The following INO80 variants were observed in gnomAD, a reference collection of about 807,000 sequenced individuals.
The protein encoded by INO80 is INO80 complex ATPase subunit.
In INO80, 20 loss-of-function variants were observed where a neutral mutation model predicts 203.4. The ratio of observed to expected loss-of-function variants is 0.10; its 90% CI spans 0.07 to 0.14. The LOEUF is 0.14. Ranked by LOEUF, INO80 falls within the 10% of genes least tolerant of loss-of-function variation. The probability of loss-of-function intolerance (pLI) is 1.00; values close to 1 mark genes in which losing one functional copy is unlikely to be tolerated. For missense variants in INO80, 1,419 were observed against 1,914.4 expected (o/e 0.74, Z 4.83); for synonymous variants, 726 against 685.2 (o/e 1.06, Z -0.93).
Position 41,085,431 on chromosome 15 carries a change from C to T in INO80, c.811G>A (p.Glu271Lys). 1 of 1,614,170 alleles carries T rather than the reference C, an allele frequency of 6.2e-7. No homozygotes were observed. The highest frequency in any genetic ancestry group is 8.5e-7 in the Non-Finnish European group (1 of 1,180,048). ...TTCCTGCGACGAGCATTCAGCTGCTCAATGGATAAGTGCTTTTTCTTAGTG... is the reference window on the plus strand; with the variant it reads ...TTCCTGCGACGAGCATTCAGCTGCTTAATGGATAAGTGCTTTTTCTTAGTG... ...PGTKKKHLSI[E>K]QLNARRRKVW... The change falls in exon 7 of 36, where the codon GAG becomes AAG. Residue 271 changes from glutamate (E) to lysine (K), a missense_variant. By Grantham distance (56) the Glu-to-Lys change is moderately conservative. Around this residue, in one of 9 missense-constraint regions of INO80, gnomAD observed 323 missense variants for 325.4 expected, o/e 0.99. Coordinates refer to ENST00000648947, the MANE Select transcript of INO80 (RefSeq NM_017553.3).
At chr15:41,064,384 T>C (rs2045171823) in intron 14 of INO80, among the ~76,000 whole-genome samples, 1 of 152,232 alleles carries the variant, frequency 6.6e-6, no homozygotes, top group Non-Finnish European at 1.5e-5. Flanking sequence ...AATTACACTT[T>C]TTATTTTTTA....
intron 27 of INO80, 58 bp downstream of exon 27, chr15:41,016,028 ATC>A (rs1477395096): frequency 1.4e-6 from 2 of 1,410,154 alleles, no homozygotes; most frequent in African/African-American, 2.8e-5. Context: ...AGTCATGGAC[ATC>A]TGATTCCTAC....
At chr15:41,100,557 A>G (rs771677432) in intron 1 of INO80, among the ~76,000 whole-genome samples, 1 of 152,200 alleles carries the variant, frequency 6.6e-6, no homozygotes, top group Non-Finnish European at 1.5e-5. Flanking sequence ...TCTTTGCAGC[A>G]TATCACCACT....
intron 29 of INO80, among the ~76,000 whole-genome samples, chr15:40,994,484 C>T (rs1277876199): frequency 6.6e-6 from 1 of 152,068 alleles, no homozygotes; most frequent in Non-Finnish European, 1.5e-5. Flanking sequence ...CTGCCTCAGC[C>T]TCCCGAGTAG....
intron 24 of INO80, among the ~76,000 whole-genome samples, chr15:41,042,726 G>A (rs545746144): frequency 2.6e-5 from 4 of 151,878 alleles, no homozygotes; most frequent in South Asian, 2.1e-4. Flanking sequence ...CGCCTGCCTC[G>A]GACTCAAAAA....
rs538079089 is a variant in INO80 at position 41,055,071 on chromosome 15, A to G, written c.2188+176T>C. On this transcript the variant is annotated intron_variant, in intron 18 of 35. Coordinates refer to ENST00000648947, the MANE Select transcript of INO80 (RefSeq NM_017553.3). Reference sequence around the variant, plus strand: ...AATCATCTAAATTAGTTCTTTTTTGACTGTTAAATATGTACAAAAAACAAA... The same window carrying G: ...AATCATCTAAATTAGTTCTTTTTTGGCTGTTAAATATGTACAAAAAACAAA... 2.6e-5 allele frequency among the ~76,000 whole-genome samples: 4 copies of G among 152,296 alleles called. No homozygotes were observed. In the South Asian group the frequency reaches 8.3e-4, roughly 32 times the overall value.
chr15:41,067,073 T>C (rs368217302), intron 14 of INO80, among the ~76,000 whole-genome samples: 2 of 151,958 alleles, frequency 1.3e-5, no homozygotes, highest in Non-Finnish European at 2.9e-5. Context: ...TTTAAGACCT[T>C]TTATTTTTCT....
At chr15:41,043,482 C>T (rs1425428870) in intron 24 of INO80, among the ~76,000 whole-genome samples, 1 of 152,172 alleles carries the variant, frequency 6.6e-6, no homozygotes, top group Non-Finnish European at 1.5e-5. Flanking sequence ...CTGATTCCCT[C>T]TCCAAAGTCC....
rs150306910 is a variant in INO80, at chr15:40,987,113, G to T, written c.3810C>A (p.Asp1270Glu). The T allele has an allele frequency of 4.4e-6, 7 of 1,609,042 alleles. No homozygotes were observed. Among genetic ancestry groups the T allele is most frequent in the Non-Finnish European group, 6.0e-6 (7 of 1,175,404 alleles). ...TACGTTTCTTCTCCAACTCTTCGTC[G>T]TCTAGAAGAAGACTAACCACCTCTT... ...KPKEVVSLLL[D>E]DEELEKKLRL... Residue 1270 changes from aspartate to glutamate, a missense_variant, in exon 31 of 36, where the codon GAC (aspartate) becomes GAA (glutamate). Asp to Glu is a conservative substitution (Grantham distance 45, BLOSUM62 2). Around this residue, in one of 9 missense-constraint regions of INO80, gnomAD observed 214 missense variants for 248.9 expected, o/e 0.86. Transcript: ENST00000648947.
At chr15:41,035,741 G>A (rs1216338997) in intron 24 of INO80, among the ~76,000 whole-genome samples, 1 of 130,024 alleles carries the variant, frequency 7.7e-6, no homozygotes, top group East Asian at 2.4e-4. Flanking sequence ...AGAATGGCGT[G>A]AAACTGGGAG....
At chr15:41,012,629 T>C (rs146353085) in intron 27 of INO80, among the ~76,000 whole-genome samples, 2 of 151,316 alleles carry the variant, frequency 1.3e-5, no homozygotes, top group Admixed American at 6.6e-5. Context: ...TGACATTTAT[T>C]GATCTATGAT....
chr15:41,033,337 ATT>A (rs552646852), intron 24 of INO80, among the ~76,000 whole-genome samples: 210 of 138,880 alleles, frequency 1.5e-3, no homozygotes, highest in African/African-American at 3.4e-3. Flanking sequence ...CTGAATCAGA[ATT>A]TTTTTTTTTT....
chr15:41,033,675 G>A (rs371735020), intron 24 of INO80, among the ~76,000 whole-genome samples: 2 of 152,094 alleles, frequency 1.3e-5, no homozygotes, highest in South Asian at 2.1e-4. Context: ...AGAATACAGG[G>A]AGCCATGCTA....
Sources: gnomAD v4.1 joint callset for allele counts (sites outside exome capture counted in the v4.1 genomes callset) on GRCh38, gnomAD v4.1.1 for gene constraint, gnomAD v4.1.1 regional missense constraint, MANE v1.5 for transcripts, NCBI Gene and HGNC (gene_info 2026-07-23, HGNC 2026-07-21) for gene names.